The following ST7 variants were observed in gnomAD, a reference collection of about 807,000 sequenced individuals.
ST7 encodes the protein suppression of tumorigenicity 7, also known as suppressor of tumorigenicity 7 protein.
Under a neutral mutation model 78.7 loss-of-function variants are expected in ST7, and 28 were observed. That is an observed-to-expected ratio of 0.36 (90% confidence interval 0.26 to 0.49). The LOEUF is 0.49. ST7 is among the 20% of genes least tolerant of loss of function. The pLI is 0.99. For missense variants in ST7, 418 were observed against 696.0 expected, an observed-to-expected ratio of 0.60 and a Z score of 4.49; for synonymous variants, 247 against 249.6, an observed-to-expected ratio of 0.99 and a Z score of 0.10.
chr7:117,222,501 G>T (rs985736541), intron 15 of ST7, among the ~76,000 whole-genome samples: 4 of 152,040 alleles, frequency 2.6e-5, no homozygotes, highest in African/African-American at 7.2e-5. Context: ...GCAAACCCTT[G>T]GCTTGTCTAA....
intron 1 of ST7, chr7:117,098,696 A>C (rs1801316463): frequency 1.1e-5 from 12 of 1,053,110 alleles, no homozygotes; most frequent in Non-Finnish European, 1.5e-5. Flanking sequence ...AGCTCAGGAC[A>C]GATGCCAAAG....
At chr7:117,101,789 T>G (rs558314070) in intron 2 of ST7, among the ~76,000 whole-genome samples, 1 of 152,302 alleles carries the variant, frequency 6.6e-6, no homozygotes, top group Non-Finnish European at 1.5e-5. Context: ...AAATCTATCC[T>G]CAAAATTCTG....
rs1179012655 is a variant in ST7, at chr7:117,176,596, T to G, written c.1078+5620T>G. On this transcript the variant is annotated intron_variant, in intron 10 of 15. Transcript: ENST00000323984. Reference sequence around the variant, plus strand: ...AAGGCCTTATAACTAGCACAAGTTATTCAGCTATCATCATAGTTCCTTTGA... The same window carrying G: ...AAGGCCTTATAACTAGCACAAGTTAGTCAGCTATCATCATAGTTCCTTTGA... Among the ~76,000 whole-genome samples the G allele has an allele frequency of 9.2e-5, 14 of 152,226 alleles. 1 individual carries two copies. Among genetic ancestry groups the G allele is most frequent in the Admixed American group, 9.2e-4 (14 of 15,280 alleles).
chr7:117,185,928 AT>A (rs1422846876), intron 10 of ST7, among the ~76,000 whole-genome samples: 3 of 151,992 alleles, frequency 2.0e-5, no homozygotes, highest in Admixed American at 1.3e-4. Flanking sequence ...GTCTCAAAAA[AT>A]AAATAAAATA....
At chr7:116,963,710 G>A (rs894681731) in intron 1 of ST7, among the ~76,000 whole-genome samples, 12 of 148,210 alleles carry the variant, frequency 8.1e-5, no homozygotes, top group Non-Finnish European at 1.3e-4. Flanking sequence ...TCGGCTCACT[G>A]TAAACTCCGC....
chr7:117,129,950 A>T, intron 4 of ST7, 103 bp downstream of exon 4: 4 of 787,786 alleles, frequency 5.1e-6, no homozygotes, highest in Non-Finnish European at 8.3e-6. Context: ...GTAACAGTCT[A>T]TGTAGTGCGT....
intron 2 of ST7, among the ~76,000 whole-genome samples, chr7:117,100,111 A>T (rs909205290): frequency 1.3e-5 from 2 of 152,230 alleles, no homozygotes; most frequent in African/African-American, 4.8e-5. Flanking sequence ...AAAGGAAGAC[A>T]TAATTCTCTG....
intron 9 of ST7, among the ~76,000 whole-genome samples, chr7:117,166,890 C>CA (rs34604154): frequency 0.11 from 12,832 of 120,784 alleles, 880 homozygotes; most frequent in East Asian, 0.23. Flanking sequence ...CTCTGTCTCT[C>CA]AAAAAAAAAA....
intron 1 of ST7, among the ~76,000 whole-genome samples, chr7:116,975,511 G>A (rs375885781): frequency 8.6e-5 from 13 of 152,020 alleles, no homozygotes; most frequent in South Asian, 4.2e-4. Context: ...GGGTTCAAGC[G>A]GTTCTCCTTC....
intron 13 of ST7, among the ~76,000 whole-genome samples, chr7:117,216,549 A>G (rs1792703241): frequency 6.6e-6 from 1 of 152,200 alleles, no homozygotes; most frequent in Non-Finnish European, 1.5e-5. Flanking sequence ...GGCAAAAGGC[A>G]CAAGGCTGTC....
chr7:117,162,604 G>A (rs1807245689), intron 9 of ST7, among the ~76,000 whole-genome samples: 1 of 151,744 alleles, frequency 6.6e-6, no homozygotes, highest in Non-Finnish European at 1.5e-5. Context: ...GATGTAGCTG[G>A]GAGAAGAGGT....
intron 1 of ST7, among the ~76,000 whole-genome samples, chr7:117,003,195 G>T (rs1372500689): frequency 6.6e-6 from 1 of 151,954 alleles, no homozygotes; most frequent in Non-Finnish European, 1.5e-5. Flanking sequence ...CTGTCGCCCA[G>T]GCTAGAGTGC....
At chr7:117,159,852 C>A (rs1584491284) in intron 9 of ST7, among the ~76,000 whole-genome samples, 1 of 152,022 alleles carries the variant, frequency 6.6e-6, no homozygotes, top group Non-Finnish European at 1.5e-5. Flanking sequence ...GAGATCATGC[C>A]ACTGCACTCC....
intron 3 of ST7, among the ~76,000 whole-genome samples, chr7:117,126,828 A>G (rs927569158): frequency 3.9e-5 from 6 of 151,912 alleles, no homozygotes; most frequent in African/African-American, 1.4e-4. Flanking sequence ...AGAAGCTTGT[A>G]ATGATCTCAT....
chr7:117,080,807 T>C (rs1799714837), intron 1 of ST7: 1 of 152,234 alleles, frequency 6.6e-6, no homozygotes, highest in Admixed American at 6.5e-5. Context: ...GTTGAATATA[T>C]ATTAATAATC....
intron 9 of ST7, among the ~76,000 whole-genome samples, chr7:117,164,987 G>C (rs532500318): frequency 2.0e-4 from 30 of 152,196 alleles, no homozygotes; most frequent in African/African-American, 7.0e-4. Flanking sequence ...TTGGAGGGTG[G>C]GGTGATTTTG....
Position 117,082,489 on chromosome 7 carries a change from T to C in ST7, c.152-17273T>C, listed in dbSNP as rs1450314073. On this transcript the variant is annotated intron_variant, in intron 1 of 15. Coordinates refer to ENST00000323984, the MANE Select transcript of ST7 (RefSeq NM_001369598.1). ...AAGGTATGCTAGGCTATATTTAGGA[T>C]TTTTATAAAGTTTCGAGGAATGGCA... Among the ~76,000 whole-genome samples the C allele has an allele frequency of 2.0e-5, 3 of 152,198 alleles. No individual in the cohort carries two copies. The South Asian group carries it at 6.2e-4, about 32-fold the overall frequency.
intron 1 of ST7, chr7:117,090,751 T>A (rs1431050162): frequency 2.4e-5 from 4 of 166,926 alleles, no homozygotes; most frequent in Non-Finnish European, 4.4e-5. Context: ...TTGACCAGGG[T>A]GGAGATCTTC....
chr7:116,988,398 T>C (rs993291392), intron 1 of ST7, among the ~76,000 whole-genome samples: 3 of 152,242 alleles, frequency 2.0e-5, no homozygotes, highest in Non-Finnish European at 2.9e-5. Flanking sequence ...TTCATTAAAC[T>C]GGTTCGCTTG....
Sources: allele counts gnomAD v4.1 joint callset (sites outside exome capture counted in the v4.1 genomes callset), GRCh38; gene constraint gnomAD v4.1.1; transcripts MANE v1.5; gene names NCBI Gene and HGNC (gene_info 2026-07-23, HGNC 2026-07-21).